Variants in CNTNAP2 observed in about 807,000 individuals in gnomAD.
The protein encoded by CNTNAP2 is contactin-associated protein-like 2.
Under a neutral mutation model 155.2 loss-of-function variants are expected in CNTNAP2, and 98 were observed. That is an observed-to-expected ratio of 0.63 (90% CI 0.54 to 0.75). The LOEUF is 0.75. Among genes scored for constraint, CNTNAP2 ranks in the 30% least tolerant of loss-of-function variants. CNTNAP2 has a pLI of 0.00. For missense variants in CNTNAP2, 1,727 were observed against 1,688.1 expected (o/e 1.02, Z -0.40); for synonymous variants, 651 against 631.2 (o/e 1.03, Z -0.47).
intron 1 of CNTNAP2, among the ~76,000 whole-genome samples, chr7:146,259,804 T>C (rs954214878): frequency 2.0e-5 from 3 of 152,216 alleles, no homozygotes; most frequent in Non-Finnish European, 4.4e-5. Flanking sequence ...AAGAAAAACC[T>C]ATTTTCTTGG....
chr7:148,258,214 A>G (rs1585222326), intron 20 of CNTNAP2, among the ~76,000 whole-genome samples: 1 of 152,176 alleles, frequency 6.6e-6, no homozygotes, highest in East Asian at 1.9e-4. Flanking sequence ...GTGTTATGCC[A>G]CGCTCCTGGG....
intron 15 of CNTNAP2, among the ~76,000 whole-genome samples, chr7:148,110,787 C>T (rs1328897680): frequency 1.3e-5 from 2 of 152,134 alleles, no homozygotes; most frequent in Non-Finnish European, 2.9e-5. Flanking sequence ...CTACTCTACC[C>T]ATGCAGGAAG....
intron 10 of CNTNAP2, among the ~76,000 whole-genome samples, chr7:147,430,449 A>G (rs971584036): frequency 1.3e-5 from 2 of 152,220 alleles, no homozygotes; most frequent in Admixed American, 6.5e-5. Context: ...AGGTTATTCA[A>G]AAGTATTCTC....
At chr7:148,045,432 G>A (rs1802758755) in intron 15 of CNTNAP2, among the ~76,000 whole-genome samples, 1 of 151,138 alleles carries the variant, frequency 6.6e-6, no homozygotes, top group African/African-American at 2.4e-5. Context: ...AGCGGGAGGG[G>A]TCTTGGGCGT....
At chr7:148,313,835 G>T (rs62470592) in intron 21 of CNTNAP2, among the ~76,000 whole-genome samples, 30,209 of 152,042 alleles carry the variant, frequency 0.2, 3,564 homozygotes, top group Middle Eastern at 0.3. Context: ...GGGCTATAAA[G>T]CGTCTCAGGG....
At chr7:148,198,350 G>A (rs889465528) in intron 18 of CNTNAP2, among the ~76,000 whole-genome samples, 9 of 152,324 alleles carry the variant, frequency 5.9e-5, no homozygotes, top group Middle Eastern at 6.8e-3. Context: ...AAGGTTGATG[G>A]CGATTGTGAC....
intron 11 of CNTNAP2, among the ~76,000 whole-genome samples, chr7:147,545,898 G>T (rs1335604542): frequency 2.6e-5 from 4 of 152,158 alleles, no homozygotes; most frequent in Admixed American, 2.6e-4. Context: ...TATTCTCGTG[G>T]TAGTGAATAA....
rs189619441 is a variant in CNTNAP2 at position 148,208,255 on chromosome 7, T to C, written c.3011-9033T>C. On this transcript the variant is annotated intron_variant, in intron 18 of 23. Transcript: ENST00000361727. The stretch of plus-strand genomic sequence containing the variant: ...TAGGCTTTCTGCCTTTGAGTGACCA[T>C]GCAGATGCAGTGTCATTGGTCAAAC... Among the ~76,000 whole-genome samples, 25 of 152,330 alleles carry C rather than the reference T, an allele frequency of 1.6e-4. No homozygotes were observed. The East Asian group carries it at 4.6e-3, about 28-fold the overall frequency.
chr7:147,766,375 A>G (rs1797383762), intron 13 of CNTNAP2, among the ~76,000 whole-genome samples: 1 of 152,184 alleles, frequency 6.6e-6, no homozygotes, highest in South Asian at 2.1e-4. Context: ...AACTCATTAC[A>G]TAATTTTTTG....
At chr7:147,492,910 A>G (rs565455853) in intron 11 of CNTNAP2, among the ~76,000 whole-genome samples, 1 of 152,276 alleles carries the variant, frequency 6.6e-6, no homozygotes, top group South Asian at 2.1e-4. Context: ...CACGTCATTT[A>G]ATGTCTCTAA....
At chr7:147,130,335 C>G (rs1801327598) in intron 7 of CNTNAP2, among the ~76,000 whole-genome samples, 1 of 151,788 alleles carries the variant, frequency 6.6e-6, no homozygotes, top group African/African-American at 2.4e-5. Context: ...GCATGTAGTC[C>G]TAGCTGCTTG....
At chr7:148,058,576 GC>G (rs1803067904) in intron 15 of CNTNAP2, among the ~76,000 whole-genome samples, 1 of 152,060 alleles carries the variant, frequency 6.6e-6, no homozygotes, top group East Asian at 1.9e-4. Context: ...AAAACTTTAG[GC>G]AGAAATGGAG....
chr7:147,161,006 T>G (rs756545539), intron 8 of CNTNAP2, among the ~76,000 whole-genome samples: 2 of 152,100 alleles, frequency 1.3e-5, no homozygotes, highest in Admixed American at 6.6e-5. Flanking sequence ...AGCTGCGACA[T>G]TAGACATGGC....
chr7:146,645,207 A>G (rs1198160324), intron 1 of CNTNAP2, among the ~76,000 whole-genome samples: 1 of 152,194 alleles, frequency 6.6e-6, no homozygotes, highest in African/African-American at 2.4e-5. Flanking sequence ...CTCATTTACA[A>G]TTCCCTGAAT....
chr7:148,155,355 C>T (rs1294966066), intron 17 of CNTNAP2, among the ~76,000 whole-genome samples: 1 of 152,168 alleles, frequency 6.6e-6, no homozygotes, highest in Non-Finnish European at 1.5e-5. Context: ...AGCCAGAATG[C>T]AGTCGAGCTC....
intron 1 of CNTNAP2, among the ~76,000 whole-genome samples, chr7:146,505,430 T>A (rs981967962): frequency 6.6e-6 from 1 of 152,224 alleles, no homozygotes; most frequent in African/African-American, 2.4e-5. Context: ...ACTTCTGCCC[T>A]GGGTGATGGT....
intron 9 of CNTNAP2, among the ~76,000 whole-genome samples, chr7:147,367,910 C>A (rs1437076285): frequency 6.6e-6 from 1 of 151,944 alleles, no homozygotes; most frequent in Non-Finnish European, 1.5e-5. Flanking sequence ...ATGGGCTAAC[C>A]TTTGCGGTCA....
intron 13 of CNTNAP2, among the ~76,000 whole-genome samples, chr7:147,889,280 G>T (rs1156780408): frequency 6.6e-6 from 1 of 151,918 alleles, no homozygotes; most frequent in Non-Finnish European, 1.5e-5. Context: ...ACAAATATTT[G>T]GAAATAAGTC....
At chr7:147,599,523 C>T (rs78027206) in intron 12 of CNTNAP2, among the ~76,000 whole-genome samples, 1 of 147,698 alleles carries the variant, frequency 6.8e-6, no homozygotes, top group Non-Finnish European at 1.5e-5. Flanking sequence ...AACTAGGTGA[C>T]AAAATAACAG....
Sources: gnomAD v4.1 joint callset for allele counts (sites outside exome capture counted in the v4.1 genomes callset) on GRCh38, gnomAD v4.1.1 for gene constraint, MANE v1.5 for transcripts, NCBI Gene and HGNC (gene_info 2026-07-23, HGNC 2026-07-21) for gene names.